The following POPDC3 variants were observed in gnomAD, a reference collection of about 807,000 sequenced individuals.
The protein encoded by POPDC3 is popeye domain cAMP effector 3, also known as popeye domain-containing protein 3.
A neutral mutation model predicts 28.2 loss-of-function variants in POPDC3; 20 were observed. That is an observed-to-expected ratio of 0.71 (90% CI 0.50 to 1.03). The LOEUF (loss-of-function observed/expected upper bound fraction) is 1.03. Ranked by LOEUF, POPDC3 falls within the 50% of genes least tolerant of loss-of-function variation. The probability of loss-of-function intolerance (pLI) is 0.00; values close to 1 mark genes in which losing one functional copy is unlikely to be tolerated. For missense variants in POPDC3, 316 were observed against 345.9 expected, an observed-to-expected ratio of 0.91 and a Z score of 0.69; for synonymous variants, 118 against 124.1, an observed-to-expected ratio of 0.95 and a Z score of 0.33.
intron 2 of POPDC3, among the ~76,000 whole-genome samples, chr6:105,160,764 G>C (rs919746837): frequency 1.3e-5 from 2 of 151,364 alleles, no homozygotes; most frequent in Non-Finnish European, 2.9e-5. Context: ...GGATAATTTT[G>C]TTTTTCTATT....
intron 1 of POPDC3, among the ~76,000 whole-genome samples, chr6:105,174,522 G>A (rs1179838717): frequency 1.3e-5 from 2 of 152,156 alleles, no homozygotes; most frequent in South Asian, 2.1e-4. Flanking sequence ...TGAAAATATC[G>A]TAAGTTGAAA....
intron 1 of POPDC3, among the ~76,000 whole-genome samples, chr6:105,179,534 A>G (rs1774743483): frequency 6.6e-6 from 1 of 151,908 alleles, no homozygotes; most frequent in Non-Finnish European, 1.5e-5. Flanking sequence ...AGGGCATACG[A>G]CTCGCGTTCT....
intron 1 of POPDC3, among the ~76,000 whole-genome samples, chr6:105,175,375 C>CAAA (rs60678447): frequency 0.017 from 1,699 of 99,010 alleles, 66 homozygotes; most frequent in African/African-American, 0.073. Flanking sequence ...CCTAACTCTC[C>CAAA]AAAAAAAAAA....
Position 105,162,074 on chromosome 6 carries a change from C to T in POPDC3, c.-165G>A. Reference sequence around the variant, plus strand: ...GATTAAAGGCTTCGTGTGTACGGATCTTGAAAAACTAAGAATCCCATGCTC... The same window carrying T: ...GATTAAAGGCTTCGTGTGTACGGATTTTGAAAAACTAAGAATCCCATGCTC... On this transcript the variant is annotated 5_prime_UTR_variant, in exon 2 of 4. Transcript: ENST00000254765. 7.3e-7 allele frequency: 1 copy of T among 1,370,070 alleles called. No homozygotes were observed. The allele number at this position is 1,370,070 out of a possible 1,614,324, so 84.9% of individuals were successfully genotyped here.
In POPDC3 at chr6:105,158,300, T is replaced by C; in HGVS notation, c.*170A>G. 1.8e-6 allele frequency: 1 copy of C among 541,220 alleles called. No homozygotes were observed. Among genetic ancestry groups the C allele is most frequent in the South Asian group, 4.1e-5 (1 of 24,520 alleles). The allele number at this position is 541,220 out of a possible 1,614,324, so 33.5% of individuals were successfully genotyped here. On this transcript the variant is annotated 3_prime_UTR_variant, in exon 4 of 4. Transcript: ENST00000254765. ...AGAAATACAAGAAAAATTTGTAAAG[T>C]TTATTCACAATGCAGTTGTTGAAAG...
chr6:105,163,311 C>T (rs1014181968), intron 1 of POPDC3, among the ~76,000 whole-genome samples: 10 of 152,160 alleles, frequency 6.6e-5, no homozygotes, highest in Non-Finnish European at 1.3e-4. Flanking sequence ...TTCCTCTGCA[C>T]ATACATTCTC....
At chr6:105,177,944 T>A (rs1022799801) in intron 1 of POPDC3, among the ~76,000 whole-genome samples, 3 of 152,220 alleles carry the variant, frequency 2.0e-5, no homozygotes, top group African/African-American at 4.8e-5. Flanking sequence ...TTTATTTAAT[T>A]TAGAAAACAC....
At chr6:105,159,287 A>G (rs767725455) in intron 3 of POPDC3, among the ~76,000 whole-genome samples, 3 of 152,252 alleles carry the variant, frequency 2.0e-5, no homozygotes, top group Non-Finnish European at 4.4e-5. Context: ...CAGTAAGTTT[A>G]GCATTCTGTT....
At chr6:105,177,043 T>A (rs966754069) in intron 1 of POPDC3, 2 of 353,288 alleles carry the variant, frequency 5.7e-6, no homozygotes, top group Non-Finnish European at 8.0e-6. Flanking sequence ...GTAAAAAAAT[T>A]TTAAATATAA....
At chr6:105,178,151 T>G (rs1447041108) in intron 1 of POPDC3, among the ~76,000 whole-genome samples, 1 of 152,206 alleles carries the variant, frequency 6.6e-6, no homozygotes, top group African/African-American at 2.4e-5. Flanking sequence ...TCAACTGCAG[T>G]TTACAGACTT....
At chr6:105,176,179 A>G (rs904670126) in intron 1 of POPDC3, among the ~76,000 whole-genome samples, 2 of 152,222 alleles carry the variant, frequency 1.3e-5, no homozygotes, top group African/African-American at 4.8e-5. Flanking sequence ...GATAAATTCA[A>G]TTTAACAGTT....
chr6:105,159,600 A>G, intron 3 of POPDC3, 111 bp downstream of exon 3: 1 of 649,744 alleles, frequency 1.5e-6, no homozygotes, highest in Non-Finnish European at 2.7e-6. Flanking sequence ...GTACATTCCA[A>G]AGTCTTAAAA....
intron 1 of POPDC3, among the ~76,000 whole-genome samples, chr6:105,170,717 A>G (rs1774559027): frequency 6.6e-6 from 1 of 152,190 alleles, no homozygotes; most frequent in East Asian, 1.9e-4. Flanking sequence ...ACTATACTAA[A>G]CTGTGCAATA....
rs1281082122 is a variant in POPDC3 at position 105,159,812 on chromosome 6, C to T, written c.493G>A (p.Val165Met). 6.2e-7 allele frequency: 1 copy of T among 1,609,246 alleles called. No homozygotes were observed. ...TGCAGAAATTCGCCATCAACTGTCA[C>T]TCTGATCCTATCAAAACACAAGAAC... ...LSLLVSGRIRVTVDGEFLHYI... is the reference protein window; with the variant it reads ...LSLLVSGRIRMTVDGEFLHYI... Residue 165 changes from valine to methionine, a missense_variant, in exon 3 of 4, where the codon GTG becomes ATG. Coordinates refer to ENST00000254765, the MANE Select transcript of POPDC3 (RefSeq NM_022361.5).
chr6:105,160,767 T>C, intron 2 of POPDC3, among the ~76,000 whole-genome samples: 1 of 151,718 alleles, frequency 6.6e-6, no homozygotes, highest in East Asian at 1.9e-4. Context: ...TAATTTTGTT[T>C]TTCTATTTTT....
rs559738885 is a variant in POPDC3 at position 105,170,958 on chromosome 6, G to A, written c.-251-8798C>T. Among the ~76,000 whole-genome samples the A allele has an allele frequency of 1.7e-4, 26 of 152,108 alleles. No homozygotes were observed. In the East Asian group the frequency reaches 3.7e-3, roughly 21 times the overall value. On this transcript the variant is annotated intron_variant, in intron 1 of 3. Coordinates refer to ENST00000254765, the MANE Select transcript of POPDC3 (RefSeq NM_022361.5). ...TGCCATTTGTGAGTTATGGTGAAGC[G>A]GTGGAAGAAGGAATAAAAACTGTGC... is the stretch of plus-strand genomic sequence containing the variant.
At chr6:105,178,093 G>A (rs1333606429) in intron 1 of POPDC3, among the ~76,000 whole-genome samples, 2 of 152,170 alleles carry the variant, frequency 1.3e-5, no homozygotes, top group African/African-American at 4.8e-5. Flanking sequence ...TCTCTCGAGG[G>A]AGCTCATAAT....
chr6:105,175,371 T>G (rs1448526761), intron 1 of POPDC3, among the ~76,000 whole-genome samples: 2 of 82,022 alleles, frequency 2.4e-5, no homozygotes, highest in Non-Finnish European at 5.0e-5. Context: ...AGACCCTAAC[T>G]CTCCAAAAAA....
intron 1 of POPDC3, among the ~76,000 whole-genome samples, chr6:105,175,569 G>A (rs967085452): frequency 9.1e-5 from 13 of 142,520 alleles, no homozygotes; most frequent in South Asian, 4.6e-4. Flanking sequence ...TAGGCCAGGC[G>A]CAGTGGCTCA....
Sources: allele counts gnomAD v4.1 joint callset (sites outside exome capture counted in the v4.1 genomes callset), GRCh38; gene constraint gnomAD v4.1.1; transcripts MANE v1.5; gene names NCBI Gene and HGNC (gene_info 2026-07-23, HGNC 2026-07-21).